CDK8: variants seen among roughly 807,000 people sequenced by gnomAD.
CDK8 encodes the protein cyclin dependent kinase 8, also known as cyclin-dependent kinase 8.
Under a neutral mutation model 71.5 loss-of-function variants are expected in CDK8, and 29 were observed. That is an observed-to-expected ratio of 0.41 (90% CI 0.30 to 0.55). CDK8 has a LOEUF of 0.55. Among genes scored for constraint, CDK8 ranks in the 20% least tolerant of loss-of-function variants. CDK8 has a pLI of 0.37. For synonymous variants in CDK8, 161 were observed against 192.1 expected (o/e 0.84, Z 1.34); for missense variants, 288 against 572.6 (o/e 0.50, Z 5.07).
chr13:26,382,901 T>C (rs369035839), intron 5 of CDK8, 30 bp downstream of exon 5: 28 of 1,493,580 alleles, frequency 1.9e-5, no homozygotes, highest in Non-Finnish European at 2.5e-5. Context: ...AGTCACAGTG[T>C]AGCACTTTTT....
intron 6 of CDK8, among the ~76,000 whole-genome samples, chr13:26,388,501 T>G (rs1875587190): frequency 6.6e-6 from 1 of 152,192 alleles, no homozygotes; most frequent in Non-Finnish European, 1.5e-5. Context: ...TTACTTTTGG[T>G]AAAGCATATT....
intron 6 of CDK8, among the ~76,000 whole-genome samples, chr13:26,388,005 A>G (rs543930977): frequency 6.6e-6 from 1 of 152,294 alleles, no homozygotes; most frequent in African/African-American, 2.4e-5. Context: ...GGATACTTGA[A>G]TGAATCTTGT....
At chr13:26,282,890 AAGCCAAAAGCAAGCAGGAAT>A (rs1438594452) in intron 1 of CDK8, among the ~76,000 whole-genome samples, 25 of 152,244 alleles carry the variant, frequency 1.6e-4, no homozygotes, top group Non-Finnish European at 2.9e-4. Context: ...ATGCAAATGG[AAGCCAAAAGCAAGCAGGAAT>A]AGCTATTCTT....
intron 2 of CDK8, among the ~76,000 whole-genome samples, chr13:26,342,042 T>A (rs1034274353): frequency 1.3e-5 from 2 of 152,100 alleles, no homozygotes; most frequent in African/African-American, 4.8e-5. Context: ...TGCCTCACCC[T>A]CCCAAGTAGC....
intron 4 of CDK8, among the ~76,000 whole-genome samples, chr13:26,356,310 T>TC (rs751664749): frequency 6.6e-6 from 1 of 152,210 alleles, no homozygotes; most frequent in Non-Finnish European, 1.5e-5. Context: ...GGCAAATCAC[T>TC]CTTACTCCTC....
In CDK8 at chr13:26,349,158, T is replaced by C. The variant is rs1320431247; in HGVS notation, c.291T>C (p.Phe97=). Reference sequence around the variant, plus strand: ...CTGATAGGAAGGTGTGGCTTCTGTTTGACTATGCTGAACATGACCTCTGGG... The same window carrying C: ...CTGATAGGAAGGTGTGGCTTCTGTTCGACTATGCTGAACATGACCTCTGGG... The part of the protein sequence containing the change: ...SHADRKVWLL[F]DYAEHDLWHI... Residue 97 remains phenylalanine, a synonymous_variant, in exon 3 of 13, where the codon TTT becomes TTC. Transcript: ENST00000381527. The C allele has an allele frequency of 2.3e-5, 37 of 1,608,140 alleles. No homozygotes were observed. The highest frequency in any genetic ancestry group is 2.6e-5 in the Non-Finnish European group (31 of 1,174,938).
chr13:26,371,238 CTT>C (rs906855439), intron 4 of CDK8, among the ~76,000 whole-genome samples: 5 of 152,084 alleles, frequency 3.3e-5, no homozygotes, highest in African/African-American at 1.2e-4. Flanking sequence ...TTGCTAAAGC[CTT>C]TCATATAAGT....
At chr13:26,292,374 T>C (rs575279418) in intron 1 of CDK8, among the ~76,000 whole-genome samples, 1 of 152,166 alleles carries the variant, frequency 6.6e-6, no homozygotes, top group African/African-American at 2.4e-5. Context: ...TGGATCCAAG[T>C]GATTGATTTG....
intron 1 of CDK8, among the ~76,000 whole-genome samples, chr13:26,331,559 T>A (rs9553790): frequency 0.83 from 126,197 of 152,126 alleles, 54,024 homozygotes; most frequent in East Asian, 0.99. Flanking sequence ...CATCATTTAT[T>A]AAAGAGGGTG....
chr13:26,388,055 C>T (rs1266656479), intron 6 of CDK8, among the ~76,000 whole-genome samples: 2 of 152,186 alleles, frequency 1.3e-5, no homozygotes, highest in African/African-American at 4.8e-5. Flanking sequence ...TGTGCAGTTA[C>T]ACTTGTATGA....
intron 1 of CDK8, among the ~76,000 whole-genome samples, chr13:26,290,980 A>G (rs192850393): frequency 1.6e-3 from 246 of 152,116 alleles, no homozygotes; most frequent in African/African-American, 5.7e-3. Flanking sequence ...TTAGCTGGGC[A>G]TGGTGGCGCC....
At chr13:26,323,298 TGAGAGAGAGAGAGAGAGAGA>T (rs10523917) in intron 1 of CDK8, among the ~76,000 whole-genome samples, 2 of 132,144 alleles carry the variant, frequency 1.5e-5, no homozygotes, top group Admixed American at 1.5e-4. Flanking sequence ...TCCTCACATG[TGAGAGAGAGAGAGAGAGAGA>T]GAGAGAGAGG....
At chr13:26,285,174 G>A (rs1487808017) in intron 1 of CDK8, among the ~76,000 whole-genome samples, 1 of 152,194 alleles carries the variant, frequency 6.6e-6, no homozygotes, top group African/African-American at 2.4e-5. Flanking sequence ...GAGAGGTCGA[G>A]TGAGCTGAGA....
intron 1 of CDK8, among the ~76,000 whole-genome samples, chr13:26,337,286 A>G (rs532423283): frequency 2.9e-4 from 44 of 152,312 alleles, no homozygotes; most frequent in African/African-American, 9.9e-4. Flanking sequence ...GAAGGAATCT[A>G]TTACTGGAAG....
intron 1 of CDK8, among the ~76,000 whole-genome samples, chr13:26,280,767 G>A (rs1175770159): frequency 6.6e-6 from 1 of 152,268 alleles, no homozygotes; most frequent in African/African-American, 2.4e-5. Context: ...AGTCATGCCC[G>A]ATTCCTCTTT....
intron 4 of CDK8, among the ~76,000 whole-genome samples, chr13:26,354,339 T>C (rs1873803981): frequency 6.6e-6 from 1 of 152,244 alleles, no homozygotes; most frequent in Admixed American, 6.5e-5. Flanking sequence ...ATCACCTTTA[T>C]TAATCATAAT....
chr13:26,267,832 T>C (rs1419091911), intron 1 of CDK8, among the ~76,000 whole-genome samples: 1 of 152,226 alleles, frequency 6.6e-6, no homozygotes, highest in Non-Finnish European at 1.5e-5. Context: ...AAGTTCTCCA[T>C]GGAGACATTT....
chr13:26,370,031 A>G (rs902939946), intron 4 of CDK8, among the ~76,000 whole-genome samples: 2 of 152,344 alleles, frequency 1.3e-5, no homozygotes, highest in African/African-American at 4.8e-5. Flanking sequence ...CATTTGTCAC[A>G]GGACTACCCC....
intron 1 of CDK8, among the ~76,000 whole-genome samples, chr13:26,260,447 G>A (rs1253838491): frequency 1.3e-5 from 2 of 152,192 alleles, no homozygotes; most frequent in African/African-American, 2.4e-5. Context: ...GCAGAACTCT[G>A]TTTTGCCTGG....
Sources: gnomAD v4.1 joint callset for allele counts (sites outside exome capture counted in the v4.1 genomes callset) on GRCh38, gnomAD v4.1.1 for gene constraint, MANE v1.5 for transcripts, NCBI Gene and HGNC (gene_info 2026-07-23, HGNC 2026-07-21) for gene names.